FYN: variants seen among roughly 807,000 people sequenced by gnomAD.
The protein encoded by FYN is FYN proto-oncogene, Src family tyrosine kinase.
In FYN, 10 loss-of-function variants were observed where a neutral mutation model predicts 70.2. The ratio of observed to expected loss-of-function variants is 0.14; its 90% CI spans 0.09 to 0.24. The LOEUF (loss-of-function observed/expected upper bound fraction) is 0.24, where lower values mean the gene tolerates loss of function less well. Among genes scored for constraint, FYN ranks in the 10% least tolerant of loss-of-function variants. FYN has a pLI of 1.00. For synonymous variants in FYN, 236 were observed against 248.6 expected (o/e 0.95, Z 0.48); for missense variants, 319 against 673.1 (o/e 0.47, Z 5.82).
intron 3 of FYN, among the ~76,000 whole-genome samples, chr6:111,736,964 G>A (rs189270058): frequency 1.4e-3 from 214 of 152,268 alleles, no homozygotes; most frequent in Middle Eastern, 3.4e-3. Flanking sequence ...CCACTAAACT[G>A]TTCCCTAACT....
intron 2 of FYN, among the ~76,000 whole-genome samples, chr6:111,790,247 T>TACACACAC (rs61565042): frequency 1.2e-4 from 15 of 125,954 alleles, no homozygotes; most frequent in East Asian, 4.9e-4. Flanking sequence ...GAACCTTAGA[T>TACACACAC]ACACACACAC....
intron 3 of FYN, among the ~76,000 whole-genome samples, chr6:111,722,225 G>A (rs918229099): frequency 2.6e-5 from 4 of 152,120 alleles, no homozygotes; most frequent in Admixed American, 2.0e-4. Flanking sequence ...GAAAAGAGAC[G>A]CCTACTGCTT....
chr6:111,790,091 C>CTGTGTG (rs71021863), intron 2 of FYN, among the ~76,000 whole-genome samples: 24 of 150,488 alleles, frequency 1.6e-4, no homozygotes, highest in African/African-American at 5.6e-4. Context: ...AGTATCAGAA[C>CTGTGTG]TGTGTGTGTG....
At chr6:111,764,359 T>C (rs1017136915) in intron 3 of FYN, among the ~76,000 whole-genome samples, 3 of 151,944 alleles carry the variant, frequency 2.0e-5, no homozygotes, top group Non-Finnish European at 4.4e-5. Flanking sequence ...GGGCCCCACA[T>C]CTCACTCTCA....
intron 1 of FYN, among the ~76,000 whole-genome samples, chr6:111,865,595 CAT>C (rs1774082038): frequency 6.6e-6 from 1 of 152,176 alleles, no homozygotes; most frequent in Non-Finnish European, 1.5e-5. Flanking sequence ...TCAGGCTTCT[CAT>C]GTGTTTTAGT....
At chr6:111,757,827 C>T (rs1802808224) in intron 3 of FYN, among the ~76,000 whole-genome samples, 1 of 152,234 alleles carries the variant, frequency 6.6e-6, no homozygotes, top group South Asian at 2.1e-4. Context: ...TCCCTGTACT[C>T]TTACTGTATA....
intron 2 of FYN, among the ~76,000 whole-genome samples, chr6:111,793,294 C>T (rs879410042): frequency 6.6e-6 from 1 of 152,056 alleles, no homozygotes; most frequent in Admixed American, 6.5e-5. Context: ...TAAAATAATA[C>T]ACATCATTTA....
intron 3 of FYN, among the ~76,000 whole-genome samples, chr6:111,737,190 C>T (rs896793297): frequency 6.6e-6 from 1 of 152,146 alleles, no homozygotes; most frequent in African/African-American, 2.4e-5. Context: ...CCCCACATAT[C>T]AAGCAAGCAA....
At chr6:111,818,102 T>C (rs1772546094) in intron 2 of FYN, among the ~76,000 whole-genome samples, 1 of 152,248 alleles carries the variant, frequency 6.6e-6, no homozygotes, top group Non-Finnish European at 1.5e-5. Context: ...TGCTGACAGT[T>C]ATCTCATGCC....
intron 2 of FYN, among the ~76,000 whole-genome samples, chr6:111,794,619 A>C (rs1480923216): frequency 6.6e-6 from 1 of 152,232 alleles, no homozygotes; most frequent in African/African-American, 2.4e-5. Context: ...TTAAATGGTC[A>C]CAAAAAATCA....
intron 2 of FYN, chr6:111,781,156 G>A (rs751098896): frequency 6.6e-6 from 1 of 152,036 alleles, no homozygotes; most frequent in African/African-American, 2.4e-5. Flanking sequence ...GAACATACAC[G>A]ACATAGAAGG....
chr6:111,701,898 G>C (rs946072493), intron 8 of FYN, among the ~76,000 whole-genome samples: 15 of 152,148 alleles, frequency 9.9e-5, no homozygotes, highest in African/African-American at 3.1e-4. Context: ...TAGTGCAAGG[G>C]ATCAACAGAC....
At chr6:111,696,575 T>A (rs1799584515) in intron 9 of FYN, 119 bp from the exon 10 acceptor site, 1 of 766,566 alleles carries the variant, frequency 1.3e-6, no homozygotes, top group Non-Finnish European at 1.9e-6. Context: ...AATACAGTTT[T>A]TGTTGAACAA....
intron 3 of FYN, among the ~76,000 whole-genome samples, chr6:111,750,717 A>ATTTTTTTTTTT (rs71759856): frequency 7.6e-6 from 1 of 130,748 alleles, no homozygotes; most frequent in Non-Finnish European, 1.6e-5. Context: ...AATTCATGTC[A>ATTTTTTTTTTT]TTTTTTTTTT....
intron 2 of FYN, chr6:111,820,032 AGG>A (rs1772609244): frequency 1.3e-5 from 2 of 152,224 alleles, no homozygotes; most frequent in African/African-American, 4.8e-5. Flanking sequence ...GGAACATTAC[AGG>A]ACCATGACAC....
chr6:111,741,391 T>C (rs563108840), intron 3 of FYN, among the ~76,000 whole-genome samples: 1 of 152,332 alleles, frequency 6.6e-6, no homozygotes, highest in South Asian at 2.1e-4. Context: ...TTTATGTATG[T>C]ACACACAGAG....
chr6:111,705,034 C>T (rs547198597), intron 6 of FYN, among the ~76,000 whole-genome samples: 2 of 152,132 alleles, frequency 1.3e-5, no homozygotes, highest in Admixed American at 1.3e-4. Flanking sequence ...TGCACTCCAG[C>T]CTGGGCAACA....
chr6:111,853,858 A>T (rs1182521436), intron 1 of FYN, among the ~76,000 whole-genome samples: 1 of 152,104 alleles, frequency 6.6e-6, no homozygotes, highest in East Asian at 1.9e-4. Flanking sequence ...CCTTGAAGTG[A>T]TCCTCCTGCT....
chr6:111,687,812 C>T (rs1027080327), intron 12 of FYN, among the ~76,000 whole-genome samples: 1 of 152,126 alleles, frequency 6.6e-6, no homozygotes, highest in African/African-American at 2.4e-5. Context: ...ATATAGATAA[C>T]TATTATTATC....
Sources: allele counts gnomAD v4.1 joint callset (sites outside exome capture counted in the v4.1 genomes callset), GRCh38; gene constraint gnomAD v4.1.1; transcripts MANE v1.5; gene names NCBI Gene and HGNC (gene_info 2026-07-23, HGNC 2026-07-21).